The following TCHP variants were observed in gnomAD, a reference collection of about 807,000 sequenced individuals.
TCHP encodes trichoplein keratin filament-binding protein.
Under a neutral mutation model 88.7 loss-of-function variants are expected in TCHP, and 81 were observed. The observed-to-expected ratio is 0.91, with a 90% CI of 0.76 to 1.10. The LOEUF (loss-of-function observed/expected upper bound fraction) is 1.10, where lower values mean the gene tolerates loss of function less well. Among genes scored for constraint, TCHP ranks in the 50% least tolerant of loss-of-function variants. TCHP has a pLI of 0.00. For synonymous variants in TCHP, 232 were observed against 232.5 expected, an observed-to-expected ratio of 1.00 and a Z score of 0.02; for missense variants, 641 against 632.1, an observed-to-expected ratio of 1.01 and a Z score of -0.15.
chr12:109,895,409 G>A (rs1232448026), upstream of TCHP, among the ~76,000 whole-genome samples: 1 of 151,744 alleles, frequency 6.6e-6, no homozygotes, highest in South Asian at 2.1e-4. Flanking sequence ...GATGGGGTGG[G>A]GGGTCTCTCT....
At chr12:109,896,786 G>A (rs1215396891), upstream of TCHP, among the ~76,000 whole-genome samples, 1 of 152,088 alleles carries the variant, frequency 6.6e-6, no homozygotes, top group African/African-American at 2.4e-5. Context: ...GTGGTGGCGG[G>A]CACCTGTAAT....
intron 1 of TCHP, 116 bp from the exon 2 acceptor site, chr12:109,902,911 A>C: frequency 1.5e-6 from 1 of 687,872 alleles, no homozygotes; most frequent in South Asian, 3.1e-5. Flanking sequence ...AAGTTCCACC[A>C]GTTGATTTCA....
chr12:109,916,565 C>A (rs771258269), intron 12 of TCHP, 26 bp from the exon 13 acceptor site: 2 of 1,610,886 alleles, frequency 1.2e-6, no homozygotes, highest in Admixed American at 3.4e-5. Context: ...GATCTGATCA[C>A]TCTTATGTTT....
chr12:109,891,605 T>C, the TCHP span, among the ~76,000 whole-genome samples: 5 of 151,948 alleles, frequency 3.3e-5, no homozygotes, highest in Admixed American at 6.6e-5. Flanking sequence ...TTCACCATGT[T>C]GGCCAGGATG....
In TCHP at chr12:109,904,879, C is replaced by T. The variant is rs1870040988; in HGVS notation, c.456+86C>T. The T allele has an allele frequency of 7.7e-6, 10 of 1,299,430 alleles. No homozygotes were observed. The East Asian group carries it at 2.4e-4, about 31-fold the overall frequency. 80.5% of individuals were successfully genotyped at this position (1,299,430 alleles called of 1,614,324 possible). On this transcript the variant is annotated intron_variant, in intron 4 of 12. Coordinates refer to ENST00000405876, the MANE Select transcript of TCHP (RefSeq NM_001143852.2). ...TTTTTTTTTGAACACGTATCTTGTA[C>T]CGGGTTGAAACAGAGGAGGGAACCT...
rs1233218337 is a variant in TCHP at position 109,917,863 on chromosome 12, C to T, written c.*1240C>T. ...TAAAAATCAGAGTTTATTAAAAATC[C>T]TGAGTCTTAAGGGCTGTCTTACCTT... On this transcript the variant is annotated 3_prime_UTR_variant, in exon 13 of 13. Transcript: ENST00000405876. 1.3e-5 allele frequency: 2 copies of T among 152,372 alleles called. No homozygotes were observed. The highest frequency in any genetic ancestry group is 6.6e-5 in the Admixed American group (1 of 15,254). 9.4% of individuals were successfully genotyped at this position (152,372 alleles called of 1,614,324 possible).
At chr12:109,902,691 G>T (rs1309630993) in intron 1 of TCHP, among the ~76,000 whole-genome samples, 5 of 152,076 alleles carry the variant, frequency 3.3e-5, no homozygotes, top group Non-Finnish European at 5.9e-5. Context: ...GGCGCAGCTG[G>T]TCTCGAACTC....
chr12:109,893,073 C>T, the TCHP span, among the ~76,000 whole-genome samples: 1 of 152,124 alleles, frequency 6.6e-6, no homozygotes, highest in South Asian at 2.1e-4. Flanking sequence ...AAGCTGGAAC[C>T]TGTGGTCTTA....
At position 109,916,952 on chromosome 12, in the gene TCHP, G is replaced by C. The variant is rs968017916; in HGVS notation, c.*329G>C. ...CCACAGGTTGTACCTGTGATGGGGC[G>C]TGTGGTTTCCTGTTGTCTCACCTTT... On this transcript the variant is annotated 3_prime_UTR_variant, in exon 13 of 13. Coordinates refer to ENST00000405876, the MANE Select transcript of TCHP (RefSeq NM_001143852.2). 8.0e-6 allele frequency: 2 copies of C among 250,594 alleles called. No individual in the cohort carries two copies. The highest frequency in any genetic ancestry group is 4.5e-5 in the African/African-American group (2 of 44,934). 15.5% of individuals were successfully genotyped at this position (250,594 alleles called of 1,614,324 possible).
At chr12:109,885,478 G>GTTTT in the TCHP span, among the ~76,000 whole-genome samples, 64 of 118,156 alleles carry the variant, frequency 5.4e-4, no homozygotes, top group East Asian at 1.0e-3. Flanking sequence ...AAATCTGATG[G>GTTTT]TTTTTTTTTT....
chr12:109,894,309 A>T, the TCHP span, among the ~76,000 whole-genome samples: 1 of 151,536 alleles, frequency 6.6e-6, no homozygotes, highest in Admixed American at 6.6e-5. Context: ...AATACAAAAA[A>T]ATTAGCCGGG....
chr12:109,910,385 C>T (rs868059622), intron 8 of TCHP, among the ~76,000 whole-genome samples: 3 of 152,146 alleles, frequency 2.0e-5, no homozygotes, highest in African/African-American at 7.2e-5. Context: ...GGCGCAATCA[C>T]GGCTCACTGC....
At position 109,902,618 on chromosome 12, in the gene TCHP, C is replaced by T. The variant is rs758360138; in HGVS notation, c.1-409C>T. ...CCTCCCAAGGAGCTGGGATTACAGACGCCCACCAGCACGCCTGGCTAATTT... is the reference window on the plus strand; with the variant it reads ...CCTCCCAAGGAGCTGGGATTACAGATGCCCACCAGCACGCCTGGCTAATTT... On this transcript the variant is annotated intron_variant, in intron 1 of 12. Transcript: ENST00000405876. Among the ~76,000 whole-genome samples the T allele has an allele frequency of 1.1e-4, 16 of 152,260 alleles. 1 individual carries two copies. Among genetic ancestry groups the T allele is most frequent in the South Asian group, 6.2e-4 (3 of 4,822 alleles).
chr12:109,886,503 C>T, the TCHP span, among the ~76,000 whole-genome samples: 1 of 152,076 alleles, frequency 6.6e-6, no homozygotes, highest in Admixed American at 6.6e-5. Context: ...TCCAAGCTAG[C>T]TTCTGTGTGT....
chr12:109,906,257 C>A (rs1234816212), intron 4 of TCHP, among the ~76,000 whole-genome samples: 1 of 152,166 alleles, frequency 6.6e-6, no homozygotes, highest in Non-Finnish European at 1.5e-5. Context: ...CCCAAGGTGG[C>A]CTTTGAAATT....
intron 1 of TCHP, among the ~76,000 whole-genome samples, chr12:109,901,591 C>A (rs1869798968): frequency 6.6e-6 from 1 of 152,156 alleles, no homozygotes; most frequent in Non-Finnish European, 1.5e-5. Context: ...AAGATAACAC[C>A]ATAAAACCTT....
chr12:109,915,506 A>G lies in TCHP; in HGVS notation c.1424A>G (p.Gln475Arg). 1 of 1,614,108 alleles carries G rather than the reference A, an allele frequency of 6.2e-7. No homozygotes were observed. Among genetic ancestry groups the G allele is most frequent in the Non-Finnish European group, 8.5e-7 (1 of 1,180,006 alleles). The change falls in exon 12 of 13, where the codon CAG (glutamine) becomes CGG (arginine). Residue 475 changes from glutamine (Q) to arginine (R), a missense_variant. Gln to Arg is a conservative substitution (Grantham distance 43). Transcript: ENST00000405876. ...VEQLSDALLQ[Q>R]EAETMAEQGY... ...CAGCTCTCAGATGCCCTGCTGCAGC[A>G]GGAGGCGGAGACTATGGCTGAGCAG...
At position 109,904,030 on chromosome 12, in the gene TCHP, G is replaced by A. The variant is rs1327204128; in HGVS notation, c.282G>A (p.Glu94=). ...AGCTCAGGCAGCTCATGCAGGAGGA[G>A]CAGGACCTGCTGGCCAGAGAACTGG... The part of the protein sequence containing the change: ...REKLRQLMQE[E]QDLLARELEE... The change falls in exon 3 of 13, where the codon GAG becomes GAA. Residue 94 remains glutamate (E), a synonymous_variant. Coordinates refer to ENST00000405876, the MANE Select transcript of TCHP (RefSeq NM_001143852.2). 5.0e-6 allele frequency: 8 copies of A among 1,608,566 alleles called. No homozygotes were observed. The highest frequency in any genetic ancestry group is 6.8e-6 in the Non-Finnish European group (8 of 1,177,592).
chr12:109,908,527 G>A, intron 6 of TCHP, 59 bp from the exon 7 acceptor site: 1 of 1,410,098 alleles, frequency 7.1e-7, no homozygotes, highest in Non-Finnish European at 9.9e-7. Context: ...GAGAATGAAG[G>A]AAGATCTGAT....
Sources: gnomAD v4.1 joint callset for allele counts (sites outside exome capture counted in the v4.1 genomes callset) on GRCh38, gnomAD v4.1.1 for gene constraint, MANE v1.5 for transcripts, NCBI Gene and HGNC (gene_info 2026-07-23, HGNC 2026-07-21) for gene names.